Variants in CDON observed in about 807,000 individuals in gnomAD.
CDON encodes cell adhesion molecule-related/down-regulated by oncogenes.
A neutral mutation model predicts 120.9 loss-of-function variants in CDON; 73 were observed. The observed-to-expected ratio is 0.60, with a 90% CI of 0.50 to 0.73. The LOEUF (loss-of-function observed/expected upper bound fraction) is 0.73, where lower values mean the gene tolerates loss of function less well. CDON is among the 30% of genes least tolerant of loss of function. The probability of loss-of-function intolerance (pLI) is 0.00; values close to 1 mark genes in which losing one functional copy is unlikely to be tolerated. For missense variants in CDON, 1,470 were observed against 1,587.3 expected (o/e 0.93, Z 1.26); for synonymous variants, 566 against 573.5 (o/e 0.99, Z 0.19).
intron 1 of CDON, among the ~76,000 whole-genome samples, chr11:126,051,615 G>A (rs999222908): frequency 2.0e-5 from 3 of 150,968 alleles, no homozygotes; most frequent in South Asian, 4.2e-4. Flanking sequence ...CGAAATTATT[G>A]TAAGACCTAA....
chr11:126,005,934 T>C lies in CDON; in HGVS notation c.1676A>G (p.His559Arg). Residue 559 changes from histidine to arginine, a missense_variant, in exon 9 of 20, where the codon CAT (histidine) becomes CGT (arginine). Coordinates refer to ENST00000531738, the MANE Select transcript of CDON (RefSeq NM_001378964.1). ...TGGTGCTGATTCCACTGCACTGGGATGGACCTTCACCGGAAATGAGCTCAG... is the reference window on the plus strand; with the variant it reads ...TGGTGCTGATTCCACTGCACTGGGACGGACCTTCACCGGAAATGAGCTCAG... Reference protein sequence around the residue: ...GLLSSFPVKVHPSAVESAPEK... With the variant: ...GLLSSFPVKVRPSAVESAPEK... The C allele has an allele frequency of 1.2e-6, 2 of 1,614,162 alleles. No homozygotes were observed. Among genetic ancestry groups the C allele is most frequent in the Non-Finnish European group, 1.7e-6 (2 of 1,180,020 alleles).
intron 1 of CDON, among the ~76,000 whole-genome samples, chr11:126,028,429 T>A (rs548759195): frequency 6.6e-6 from 1 of 152,122 alleles, no homozygotes; most frequent in African/African-American, 2.4e-5. Flanking sequence ...AGTGGCATGA[T>A]CTTGGCTCAC....
chr11:125,997,594 A>C (rs1319864222), intron 11 of CDON, among the ~76,000 whole-genome samples, 184 bp from the exon 12 acceptor site: 1 of 152,222 alleles, frequency 6.6e-6, no homozygotes, highest in African/African-American at 2.4e-5. Flanking sequence ...GAATACAGGA[A>C]ATAAAGAGAA....
At chr11:126,028,884 A>G (rs946648475) in intron 1 of CDON, among the ~76,000 whole-genome samples, 2 of 151,984 alleles carry the variant, frequency 1.3e-5, no homozygotes, top group African/African-American at 4.8e-5. Flanking sequence ...CACTCTATGA[A>G]TATTTTGTCC....
At chr11:125,974,192 C>T (rs935904741) in intron 18 of CDON, among the ~76,000 whole-genome samples, 1 of 151,730 alleles carries the variant, frequency 6.6e-6, no homozygotes, top group Non-Finnish European at 1.5e-5. Context: ...CACTGCACCC[C>T]GCCGATTTAT....
At chr11:125,973,785 G>T (rs1173981543) in intron 18 of CDON, among the ~76,000 whole-genome samples, 1 of 152,164 alleles carries the variant, frequency 6.6e-6, no homozygotes, top group East Asian at 1.9e-4. Flanking sequence ...TAAATCTTCA[G>T]AGCTCAGCAA....
intron 7 of CDON, among the ~76,000 whole-genome samples, chr11:126,013,434 C>A (rs1042446269): frequency 6.6e-6 from 1 of 152,142 alleles, no homozygotes; most frequent in Admixed American, 6.5e-5. Context: ...AATCATCTGG[C>A]CCCTTATTTT....
At chr11:126,023,913 T>C (rs555064275) in intron 1 of CDON, among the ~76,000 whole-genome samples, 2 of 152,310 alleles carry the variant, frequency 1.3e-5, no homozygotes, top group Non-Finnish European at 2.9e-5. Flanking sequence ...AACAAAATAA[T>C]GGCTAACATT....
chr11:126,019,481 T>G, intron 4 of CDON, 138 bp downstream of exon 4: 1 of 883,290 alleles, frequency 1.1e-6, no homozygotes, highest in Non-Finnish European at 1.8e-6. Flanking sequence ...ATTTGTATAT[T>G]GTAACCATTT....
rs930721098 is a variant in CDON, at chr11:125,958,148, C to G, written c.*2794G>C. The G allele has an allele frequency of 4.6e-5, 7 of 152,146 alleles. No individual in the cohort carries two copies. Among genetic ancestry groups the G allele is most frequent in the Non-Finnish European group, 7.3e-5 (5 of 68,044 alleles). The allele number at this position is 152,146 out of a possible 1,614,324, so 9.4% of individuals were successfully genotyped here. On this transcript the variant is annotated 3_prime_UTR_variant, in exon 20 of 20. Coordinates refer to ENST00000531738, the MANE Select transcript of CDON (RefSeq NM_001378964.1). ...TTGGAGCCTCGGAGGAATTCCACGG[C>G]AGGGATAGATCACAGCATACGGAAC...
rs1945572533 is a variant in CDON, at chr11:125,959,234, A to C, written c.*1708T>G. On this transcript the variant is annotated 3_prime_UTR_variant, in exon 20 of 20. Transcript: ENST00000531738. ...AGGGAATACTGATGCATTTATACAG[A>C]AAGTTGGTTAACACAGTATTGTATT... 6.6e-5 allele frequency: 10 copies of C among 152,226 alleles called. No homozygotes were observed. The highest frequency in any genetic ancestry group is 6.5e-4 in the Admixed American group (10 of 15,278). 9.4% of individuals were successfully genotyped at this position (152,226 alleles called of 1,614,324 possible). A position where few individuals can be genotyped will look rare whatever the true frequency, so the allele number is the denominator to read the frequency against.
rs751956950 is a variant in CDON at position 126,005,893 on chromosome 11, C to T, written c.1717G>A (p.Gly573Ser). 2.7e-5 allele frequency: 44 copies of T among 1,613,938 alleles called. No homozygotes were observed. Among genetic ancestry groups the T allele is most frequent in the Non-Finnish European group, 3.6e-5 (42 of 1,180,018 alleles). The change falls in exon 9 of 20, where the codon GGC (glycine) becomes AGC (serine). Residue 573 changes from glycine (G) to serine (S), a missense_variant. By Grantham distance (56) the Gly-to-Ser change is moderately conservative. Coordinates refer to ENST00000531738, the MANE Select transcript of CDON (RefSeq NM_001378964.1). ...VESAPEKNASGISVPDAPIIL... is the reference protein window; with the variant it reads ...VESAPEKNASSISVPDAPIIL... ...ATGGGGGCATCAGGAACAGAGATGC[C>T]GCTGGCGTTTTTCTCTGGTGCTGAT...
chr11:126,003,797 G>C, intron 10 of CDON, 105 bp downstream of exon 10: 1 of 1,074,184 alleles, frequency 9.3e-7, no homozygotes, highest in African/African-American at 1.6e-5. Flanking sequence ...TCCAGCCTGC[G>C]TGACAGAGCA....
intron 18 of CDON, among the ~76,000 whole-genome samples, chr11:125,966,137 C>CAAA (rs35651493): frequency 8.3e-6 from 1 of 120,372 alleles, no homozygotes; most frequent in Non-Finnish European, 1.8e-5. Context: ...AATTCCATCT[C>CAAA]AAAAAAAAAA....
chr11:125,988,511 C>T (rs1946531451), intron 15 of CDON, among the ~76,000 whole-genome samples: 1 of 152,108 alleles, frequency 6.6e-6, no homozygotes, highest in African/African-American at 2.4e-5. Flanking sequence ...GAACTAACAA[C>T]GTTGGAGTTA....
chr11:126,015,245 T>C lies in CDON; in HGVS notation c.1194A>G (p.Glu398=). 6.2e-7 allele frequency: 1 copy of C among 1,613,886 alleles called. No homozygotes were observed. Among genetic ancestry groups the C allele is most frequent in the East Asian group, 2.2e-5 (1 of 44,876 alleles). ...TGGCACGACCTAAAAGCCTACCATT[T>C]TCAATTTCAAGTCTTCCAGTAGAGT... ...FMHSTGRLEI[E]NDGGFKPVII... Residue 398 remains glutamate (E), a synonymous_variant, in exon 7 of 20, where the codon GAA becomes GAG. Coordinates refer to ENST00000531738, the MANE Select transcript of CDON (RefSeq NM_001378964.1).
chr11:125,984,071 A>C lies in CDON; in HGVS notation c.2796T>G (p.Ser932=), dbSNP rs760427237. The C allele has an allele frequency of 1.2e-6, 2 of 1,612,918 alleles. No homozygotes were observed. The highest frequency in any genetic ancestry group is 1.7e-6 in the Non-Finnish European group (2 of 1,178,992). The change falls in exon 16 of 20, where the codon TCT becomes TCG. Residue 932 remains serine, a synonymous_variant. Transcript: ENST00000531738. ...TACTCAAGTCTTTGACAGGATATTC[A>C]GAAGCTCCAGGAACACGTTTCACTA... ...ETKVKRVPGA[S]EYPVKDLSTP... is the part of the protein sequence containing the mutation.
At chr11:125,961,215 T>C in intron 19 of CDON, 110 bp from the exon 20 acceptor site, 1 of 975,106 alleles carries the variant, frequency 1.0e-6, no homozygotes, top group Non-Finnish European at 1.6e-6. Context: ...AAAACGAGCA[T>C]AAATAGAACC....
chr11:125,972,742 G>C (rs1185103502), intron 18 of CDON, among the ~76,000 whole-genome samples: 2 of 152,178 alleles, frequency 1.3e-5, no homozygotes, highest in African/African-American at 2.4e-5. Context: ...TGAGAAGGCA[G>C]AGAAAAAAGA....
Sources: gnomAD v4.1 joint callset for allele counts (sites outside exome capture counted in the v4.1 genomes callset) on GRCh38, gnomAD v4.1.1 for gene constraint, MANE v1.5 for transcripts, NCBI Gene and HGNC (gene_info 2026-07-23, HGNC 2026-07-21) for gene names.